SLCO4A1: variants seen among roughly 807,000 people sequenced by gnomAD.
The protein encoded by SLCO4A1 is colon organic anion transporter.
In SLCO4A1, 51 loss-of-function variants were observed where a neutral mutation model predicts 64.6. The observed-to-expected ratio is 0.79, with a 90% confidence interval of 0.63 to 1.00. The LOEUF is 1.00. SLCO4A1 is among the 50% of genes least tolerant of loss of function. SLCO4A1 has a pLI of 0.00. For synonymous variants in SLCO4A1, 471 were observed against 444.9 expected (o/e 1.06, Z -0.74); for missense variants, 919 against 980.5 (o/e 0.94, Z 0.84).
At chr20:62,682,478 C>T (rs1463045132) in intron 2 of SLCO4A1, among the ~76,000 whole-genome samples, 1 of 152,128 alleles carries the variant, frequency 6.6e-6, no homozygotes, top group Non-Finnish European at 1.5e-5. Context: ...GACAGATGAG[C>T]GTGGTGACCG....
chr20:62,653,232 C>T (rs1013267018), intron 1 of SLCO4A1, among the ~76,000 whole-genome samples: 13 of 152,186 alleles, frequency 8.5e-5, no homozygotes, highest in African/African-American at 2.9e-4. Context: ...GACCGCGCCT[C>T]GGCAGAGGAC....
intron 2 of SLCO4A1, among the ~76,000 whole-genome samples, chr20:62,679,224 A>G (rs962813396): frequency 2.6e-5 from 4 of 152,202 alleles, no homozygotes; most frequent in Admixed American, 1.3e-4. Flanking sequence ...ACAACAAAAA[A>G]GTAGCATGGC....
chr20:62,687,351 C>T (rs916732122), downstream of SLCO4A1, among the ~76,000 whole-genome samples: 3 of 152,380 alleles, frequency 2.0e-5, no homozygotes, highest in Non-Finnish European at 2.9e-5. Flanking sequence ...ACACTGAAGG[C>T]CAAGGGCATG....
At chr20:62,678,706 G>A (rs184792103) in intron 2 of SLCO4A1, among the ~76,000 whole-genome samples, 4 of 151,322 alleles carry the variant, frequency 2.6e-5, no homozygotes, top group Admixed American at 1.3e-4. Context: ...ATAAATAGTC[G>A]TACAGCCACA....
At position 62,645,139 on chromosome 20, in the gene SLCO4A1, C is replaced by T. The variant is rs1981078538; in HGVS notation, c.-97+2586C>T. Among the ~76,000 whole-genome samples the T allele has an allele frequency of 6.6e-6, 1 of 152,228 alleles. No individual in the cohort carries two copies. The highest frequency in any genetic ancestry group is 2.4e-5 in the African/African-American group (1 of 41,452). ...CCCCAGTGAGCTTGCTGAGTGTCAG[C>T]TGACTTCAGGCAGGATCTGGGTCTT... On this transcript the variant is annotated intron_variant, in intron 1 of 11. Coordinates refer to ENST00000217159, the MANE Select transcript of SLCO4A1 (RefSeq NM_016354.4). This position sits in a 1 kb window ranked among gnomAD's most constrained non-coding sequence, Gnocchi z 4.2.
intron 11 of SLCO4A1, among the ~76,000 whole-genome samples, chr20:62,669,422 G>A (rs1165468162): frequency 1.1e-4 from 17 of 152,220 alleles, no homozygotes; most frequent in Admixed American, 1.1e-3. Flanking sequence ...GCAGAAATAA[G>A]AAGTGGCTGC....
At position 62,657,773 on chromosome 20, in the gene SLCO4A1, A is replaced by C. The variant is rs1237043710; in HGVS notation, c.796+523A>C. Among the ~76,000 whole-genome samples, 5 of 152,248 alleles carry C rather than the reference A, an allele frequency of 3.3e-5. No individual in the cohort carries two copies. The East Asian group carries it at 9.6e-4, about 29-fold the overall frequency. The stretch of plus-strand genomic sequence containing the variant: ...ACCACACCCACGTCTGCCCGTAAGC[A>C]CCGTGTCTGCTCCGGCAGCCACATA... On this transcript the variant is annotated intron_variant, in intron 2 of 11. Coordinates refer to ENST00000217159, the MANE Select transcript of SLCO4A1 (RefSeq NM_016354.4).
In SLCO4A1 at chr20:62,661,887, C is replaced by T. The variant is rs746437495; in HGVS notation, c.1121+712C>T. ...GGGACAACAGAGGGGCCCGGGCCCTCCCGGCCTCTCCTGGGGATCATGCCT... is the reference window on the plus strand; with the variant it reads ...GGGACAACAGAGGGGCCCGGGCCCTTCCGGCCTCTCCTGGGGATCATGCCT... On this transcript the variant is annotated intron_variant, in intron 5 of 11. Coordinates refer to ENST00000217159, the MANE Select transcript of SLCO4A1 (RefSeq NM_016354.4). This position sits in a 1 kb window ranked among gnomAD's most constrained non-coding sequence, Gnocchi z 5.2. Among the ~76,000 whole-genome samples, 12 of 152,016 alleles carry T rather than the reference C, an allele frequency of 7.9e-5. No individual in the cohort carries two copies. Among genetic ancestry groups the T allele is most frequent in the Non-Finnish European group, 1.5e-4 (10 of 67,974 alleles).
At chr20:62,646,011 C>T (rs1981259787) in intron 1 of SLCO4A1, among the ~76,000 whole-genome samples, 1 of 152,154 alleles carries the variant, frequency 6.6e-6, no homozygotes, top group South Asian at 2.1e-4. Flanking sequence ...GAGATTTGGA[C>T]CCATGGGCCT....
intron 1 of SLCO4A1, among the ~76,000 whole-genome samples, chr20:62,653,822 T>C (rs1221189577): frequency 6.9e-6 from 1 of 144,360 alleles, no homozygotes; most frequent in African/African-American, 2.6e-5. Context: ...TTCTCACTCA[T>C]AGGTGGAAAT....
chr20:62,645,346 C>T lies in SLCO4A1; in HGVS notation c.-97+2793C>T, dbSNP rs1436091566. On this transcript the variant is annotated intron_variant, in intron 1 of 11. Transcript: ENST00000217159. This position sits in a 1 kb window ranked among gnomAD's most constrained non-coding sequence, Gnocchi z 4.2. ...GACTCTGGGCGTGTCCTCCTGTGGG[C>T]CTCTGCAGAGGAAGCAGACTGGGAC... 6.6e-6 allele frequency among the ~76,000 whole-genome samples: 1 copy of T among 151,978 alleles called. No homozygotes were observed. Among genetic ancestry groups the T allele is most frequent in the Admixed American group, 6.5e-5 (1 of 15,274 alleles).
intron 5 of SLCO4A1, chr20:62,663,433 T>C (rs930257866): frequency 3.9e-5 from 6 of 152,176 alleles, no homozygotes; most frequent in Non-Finnish European, 1.5e-5. Flanking sequence ...GGCTGGAAAG[T>C]GTAGGTTTAC....
downstream of SLCO4A1, among the ~76,000 whole-genome samples, chr20:62,674,899 G>A (rs1025274482): frequency 1.3e-5 from 2 of 152,220 alleles, no homozygotes; most frequent in Non-Finnish European, 2.9e-5. Context: ...GCCCAGCCTT[G>A]CTCGTGGGCT....
At position 62,646,779 on chromosome 20, in the gene SLCO4A1, G is replaced by C. The variant is rs146620707; in HGVS notation, c.-97+4226G>C. Among the ~76,000 whole-genome samples the C allele has an allele frequency of 3.9e-4, 60 of 152,360 alleles. 1 individual carries two copies. In the East Asian group the frequency reaches 0.011, roughly 29 times the overall value. On this transcript the variant is annotated intron_variant, in intron 1 of 11. Transcript: ENST00000217159. The stretch of plus-strand genomic sequence containing the variant: ...CAGAGAGAGGCCCGTGACCTGCGTG[G>C]CTTGGAGCCAGCCTCCGTCTTCTTC...
chr20:62,661,023 G>GGGCCCCCCCCCCCCC lies in SLCO4A1; in HGVS notation c.1010-41_1010-40insGGCCCCCCCCCCCCC. ...CTCTCGGAGAAGTCCACCTCCGGGA[G>GGGCCCCCCCCCCCCC]CCCCCAGCCCCCAGCCCCAGCTCAC... On this transcript the variant is annotated intron_variant, in intron 4 of 11. Coordinates refer to ENST00000217159, the MANE Select transcript of SLCO4A1 (RefSeq NM_016354.4). The surrounding 1 kb of genome is among the most constrained non-coding windows in gnomAD (Gnocchi z 5.2). 4 of 732,778 alleles carry GGGCCCCCCCCCCCCC rather than the reference G, an allele frequency of 5.5e-6. No individual in the cohort carries two copies. The highest frequency in any genetic ancestry group is 1.7e-5 in the African/African-American group (1 of 58,644). The allele number at this position is 732,778 out of a possible 1,614,324, so 45.4% of individuals were successfully genotyped here.
Position 62,658,704 on chromosome 20 carries a change from G to A in SLCO4A1, c.824G>A (p.Gly275Asp). 6.2e-7 allele frequency: 1 copy of A among 1,611,924 alleles called. No individual in the cohort carries two copies. The highest frequency in any genetic ancestry group is 1.7e-5 in the Admixed American group (1 of 59,896). Reference protein sequence around the residue: ...IAIFYTAAILGPAAGYLIGGA... With the variant: ...IAIFYTAAILDPAAGYLIGGA... ...ATCTTCTACACAGCGGCCATCCTGG[G>A]CCCAGCTGCCGGCTACCTGATTGGA... The change falls in exon 3 of 12, where the codon GGC becomes GAC. Residue 275 changes from glycine (G) to aspartate (D), a missense_variant. By Grantham distance (94) the Gly-to-Asp change is moderately conservative (BLOSUM62 -1). Transcript: ENST00000217159.
Position 62,667,788 on chromosome 20 carries a change from G to A in SLCO4A1, c.1516G>A (p.Ala506Thr), listed in dbSNP as rs369176213. Residue 506 changes from alanine to threonine, a missense_variant, in exon 8 of 12, where the codon GCT becomes ACT. Transcript: ENST00000217159. ...CCTGAACCTAACGGCTCCCTGCAAC[G>A]CTGCCTGCAGCTGCCAGCCAGAACA... Reference protein sequence around the residue: ...GHLNLTAPCNAACSCQPEHYS... With the variant: ...GHLNLTAPCNTACSCQPEHYS... 9.9e-6 allele frequency: 16 copies of A among 1,611,698 alleles called. No individual in the cohort carries two copies. The highest frequency in any genetic ancestry group is 1.7e-5 in the Admixed American group (1 of 60,012).
Position 62,656,780 on chromosome 20 carries a change from T to C in SLCO4A1, c.326T>C (p.Leu109Pro), listed in dbSNP as rs760480481. 6.2e-7 allele frequency: 1 copy of C among 1,612,724 alleles called. No homozygotes were observed. The highest frequency in any genetic ancestry group is 1.3e-5 in the African/African-American group (1 of 74,934). ...LNTPKGILFF[L>P]CAAAFLQGMT... is the part of the protein sequence containing the mutation. ...ACGCCCAAGGGCATCCTGTTCTTCC[T>C]GTGTGCGGCCGCATTCCTGCAGGGG... is the stretch of plus-strand genomic sequence containing the variant. Residue 109 changes from leucine to proline, a missense_variant, in exon 2 of 12, where the codon CTG (leucine) becomes CCG (proline). Leu to Pro is a moderately conservative substitution (Grantham distance 98, BLOSUM62 -3). Transcript: ENST00000217159.
rs756108073 is a variant in SLCO4A1 at position 62,656,728 on chromosome 20, G to T, written c.274G>T (p.Ala92Ser). ...CGTGGCGTGCGGCTGGTGGGCCTTCGCACCGCCGTGCCTGCAGGTCCTCAA... is the reference window on the plus strand; with the variant it reads ...CGTGGCGTGCGGCTGGTGGGCCTTCTCACCGCCGTGCCTGCAGGTCCTCAA... ...QSVACGWWAFAPPCLQVLNTP... is the reference protein window; with the variant it reads ...QSVACGWWAFSPPCLQVLNTP... The change falls in exon 2 of 12, where the codon GCA becomes TCA. Residue 92 changes from alanine (A) to serine (S), a missense_variant. Ala to Ser is a moderately conservative substitution (Grantham distance 99, BLOSUM62 1). Transcript: ENST00000217159. The T allele has an allele frequency of 5.0e-6, 8 of 1,611,138 alleles. No individual in the cohort carries two copies. In the Admixed American group the frequency reaches 5.0e-5, roughly 10 times the overall value.
Sources: allele counts gnomAD v4.1 joint callset (sites outside exome capture counted in the v4.1 genomes callset), GRCh38; gene constraint gnomAD v4.1.1; non-coding constraint Gnocchi (gnomAD v3.1); transcripts MANE v1.5; gene names NCBI Gene and HGNC (gene_info 2026-07-23, HGNC 2026-07-21).